ERC1: variants seen among roughly 807,000 people sequenced by gnomAD.
ERC1 encodes ELKS/RAB6-interacting/CAST family member 1.
In ERC1, 56 loss-of-function variants were observed where a neutral mutation model predicts 132.0. The ratio of observed to expected loss-of-function variants is 0.42; its 90% CI spans 0.34 to 0.53. The LOEUF is 0.53. ERC1 is among the 20% of genes least tolerant of loss of function. The pLI is 0.03. For missense variants in ERC1, 1,202 were observed against 1,349.9 expected (o/e 0.89, Z 1.72); for synonymous variants, 478 against 476.1 (o/e 1.00, Z -0.05).
chr12:1,324,910 C>T (rs2082345500), intron 15 of ERC1, among the ~76,000 whole-genome samples: 2 of 152,142 alleles, frequency 1.3e-5, no homozygotes, highest in Admixed American at 1.3e-4. Context: ...CATGGGCAGT[C>T]GCCCCTCATA....
At chr12:1,204,972 A>T (rs1430685216) in intron 12 of ERC1, among the ~76,000 whole-genome samples, 1 of 152,084 alleles carries the variant, frequency 6.6e-6, no homozygotes, top group East Asian at 1.9e-4. Context: ...CATCCTTTAA[A>T]TTTTGGTTTC....
rs2078648740 is a variant in ERC1 at position 1,281,123 on chromosome 12, CATT to C, written c.2620-8725_2620-8723del. 2.6e-5 allele frequency among the ~76,000 whole-genome samples: 4 copies of C among 152,218 alleles called. No homozygotes were observed. In the South Asian group the frequency reaches 6.2e-4, roughly 24 times the overall value. On this transcript the variant is annotated intron_variant, in intron 14 of 18. Transcript: ENST00000360905. ...AAAGTGTTTGAGTCTGTTTTACTCA[CATT>C]ATTTCATTTGATCTTAGAAGAAGGG...
At chr12:1,403,691 C>T (rs1024197815) in intron 16 of ERC1, among the ~76,000 whole-genome samples, 4 of 152,102 alleles carry the variant, frequency 2.6e-5, no homozygotes, top group East Asian at 1.9e-4. Context: ...GGCAGGCATA[C>T]GTACTCACTC....
chr12:1,485,914 A>C (rs1328272891), intron 18 of ERC1, among the ~76,000 whole-genome samples: 1 of 152,242 alleles, frequency 6.6e-6, no homozygotes, highest in Non-Finnish European at 1.5e-5. Context: ...TTTTCACAGC[A>C]TAGGTTTTAA....
intron 3 of ERC1, among the ~76,000 whole-genome samples, chr12:1,084,881 T>C (rs985125972): frequency 1.3e-5 from 2 of 152,082 alleles, no homozygotes; most frequent in African/African-American, 4.8e-5. Flanking sequence ...AAAAAAAATT[T>C]TGTAGAGACA....
chr12:1,427,731 A>G (rs1226742548), intron 17 of ERC1, among the ~76,000 whole-genome samples: 1 of 152,162 alleles, frequency 6.6e-6, no homozygotes, highest in Non-Finnish European at 1.5e-5. Flanking sequence ...TCATTTGTTA[A>G]ATGGCAATCA....
At chr12:1,382,900 G>C (rs1193370900) in intron 16 of ERC1, among the ~76,000 whole-genome samples, 1 of 152,064 alleles carries the variant, frequency 6.6e-6, no homozygotes, top group East Asian at 1.9e-4. Context: ...ATCATATTTT[G>C]ATGAATTCTG....
At chr12:1,202,206 C>G (rs1240928116) in intron 12 of ERC1, among the ~76,000 whole-genome samples, 1 of 152,162 alleles carries the variant, frequency 6.6e-6, no homozygotes, top group African/African-American at 2.4e-5. Flanking sequence ...AGGTTATCTT[C>G]CCAAAGTTTC....
At chr12:1,266,199 T>G (rs907206024) in intron 14 of ERC1, among the ~76,000 whole-genome samples, 3 of 152,126 alleles carry the variant, frequency 2.0e-5, no homozygotes, top group Non-Finnish European at 4.4e-5. Context: ...TCTGTTTTCT[T>G]GTCCACCTTT....
At chr12:1,296,004 T>G (rs577723680) in intron 15 of ERC1, among the ~76,000 whole-genome samples, 1 of 115,200 alleles carries the variant, frequency 8.7e-6, no homozygotes, top group South Asian at 2.7e-4. Flanking sequence ...CCTATTTGGT[T>G]TAACAGAAAA....
At chr12:1,058,130 C>T (rs1215718931) in intron 2 of ERC1, among the ~76,000 whole-genome samples, 1 of 152,070 alleles carries the variant, frequency 6.6e-6, no homozygotes, top group African/African-American at 2.4e-5. Context: ...TCTCATTCTG[C>T]AGATTGTCTC....
intron 3 of ERC1, among the ~76,000 whole-genome samples, chr12:1,103,060 C>T (rs967187213): frequency 6.6e-6 from 1 of 152,172 alleles, no homozygotes; most frequent in Non-Finnish European, 1.5e-5. Flanking sequence ...CCTGGCATGA[C>T]GTCATTTTCC....
chr12:1,407,360 A>G (rs958489237), intron 16 of ERC1, among the ~76,000 whole-genome samples: 1 of 152,016 alleles, frequency 6.6e-6, no homozygotes, highest in African/African-American at 2.4e-5. Context: ...TAGTTGTTCA[A>G]TTGATTTTTT....
chr12:1,164,498 C>T (rs953334426), intron 8 of ERC1, among the ~76,000 whole-genome samples: 5 of 137,532 alleles, frequency 3.6e-5, no homozygotes, highest in African/African-American at 1.4e-4. Context: ...CCCGCCACCG[C>T]ACCCAGATAA....
Position 1,372,025 on chromosome 12 carries a change from C to T in ERC1, c.2925+48C>T, listed in dbSNP as rs550786278. On this transcript the variant is annotated intron_variant, in intron 16 of 18. Transcript: ENST00000360905. ...GGGTCAGTGGGGCCAGCTTTCACAC[C>T]ATTCTCCACACAGGTCTTTGCCAGC... 6 of 1,599,548 alleles carry T rather than the reference C, an allele frequency of 3.8e-6. No individual in the cohort carries two copies. The East Asian group carries it at 1.3e-4, about 36-fold the overall frequency.
chr12:1,131,899 T>C (rs4500542), intron 7 of ERC1, among the ~76,000 whole-genome samples: 142,070 of 152,254 alleles, frequency 0.93, 67,050 homozygotes, highest in East Asian at 1. Context: ...ACCTGTTTGC[T>C]ACAGACAAAC....
Position 1,367,055 on chromosome 12 carries a change from T to C in ERC1, c.2781-4778T>C, listed in dbSNP as rs555755117. Among the ~76,000 whole-genome samples the C allele has an allele frequency of 1.2e-4, 18 of 152,252 alleles. 1 individual carries two copies. The highest frequency in any genetic ancestry group is 4.3e-4 in the African/African-American group (18 of 41,538). ...TATCTACCATAGTCTCTGAAACCTC[T>C]GCAAGGGAAGTTGAAGAATCTAGTC... On this transcript the variant is annotated intron_variant, in intron 15 of 18. Coordinates refer to ENST00000360905, the MANE Select transcript of ERC1 (RefSeq NM_178040.4).
chr12:1,007,943 C>T (rs1964011269), intron 1 of ERC1, among the ~76,000 whole-genome samples: 1 of 152,122 alleles, frequency 6.6e-6, no homozygotes, highest in Admixed American at 6.6e-5. Flanking sequence ...AGATATAGAA[C>T]ATTTCTGTTA....
intron 15 of ERC1, among the ~76,000 whole-genome samples, chr12:1,356,213 A>AGTGTGTGTGTGTGTGTGTGT (rs71055145): frequency 7.7e-6 from 1 of 130,010 alleles, no homozygotes; most frequent in African/African-American, 3.4e-5. Flanking sequence ...AAAAAAAAAA[A>AGTGTGTGTGTGTGTGTGTGT]GTGTGTGTGT....
Sources: gnomAD v4.1 joint callset for allele counts (sites outside exome capture counted in the v4.1 genomes callset) on GRCh38, gnomAD v4.1.1 for gene constraint, MANE v1.5 for transcripts, NCBI Gene and HGNC (gene_info 2026-07-23, HGNC 2026-07-21) for gene names.